COL4A4: variants seen among roughly 807,000 people sequenced by gnomAD.
COL4A4 encodes collagen alpha-4(IV) chain.
Under a neutral mutation model 192.9 loss-of-function variants are expected in COL4A4, and 105 were observed. The observed-to-expected ratio is 0.54, with a 90% CI of 0.46 to 0.64. COL4A4 has a LOEUF of 0.64. Among genes scored for constraint, COL4A4 ranks in the 30% least tolerant of loss-of-function variants. The pLI is 0.00. For synonymous variants in COL4A4, 762 were observed against 769.9 expected (o/e 0.99, Z 0.17); for missense variants, 1,967 against 2,169.3 (o/e 0.91, Z 1.85).
At chr2:226,980,277 C>T in the COL4A4 span, among the ~76,000 whole-genome samples, 1 of 152,154 alleles carries the variant, frequency 6.6e-6, no homozygotes, top group Non-Finnish European at 1.5e-5. Flanking sequence ...TCAACCTCAG[C>T]TCTTTCTGAT....
intron 18 of COL4A4, 103 bp downstream of exon 18, chr2:227,099,517 C>T (rs2060388905): frequency 1.9e-6 from 2 of 1,034,198 alleles, no homozygotes; most frequent in Admixed American, 1.8e-5. Flanking sequence ...ATTCAGCCTG[C>T]CTAGTGTGCA....
chr2:227,065,151 C>T (rs1388152927), intron 25 of COL4A4, among the ~76,000 whole-genome samples: 2 of 152,226 alleles, frequency 1.3e-5, no homozygotes, highest in Non-Finnish European at 2.9e-5. Context: ...AATCGGGCCA[C>T]TCCCACCCGA....
At chr2:227,125,266 G>A (rs2062020049) in intron 4 of COL4A4, among the ~76,000 whole-genome samples, 1 of 151,138 alleles carries the variant, frequency 6.6e-6, no homozygotes, top group African/African-American at 2.4e-5. Flanking sequence ...GGAGTGCAGT[G>A]GTGTGATCTC....
At chr2:227,039,640 T>C (rs1970384090) in intron 37 of COL4A4, among the ~76,000 whole-genome samples, 2 of 152,032 alleles carry the variant, frequency 1.3e-5, no homozygotes, top group South Asian at 4.2e-4. Context: ...GTTACTAAAC[T>C]GGGAGGGTAG....
chr2:227,000,396 T>C (rs1317912525), downstream of COL4A4, among the ~76,000 whole-genome samples: 2 of 152,248 alleles, frequency 1.3e-5, no homozygotes, highest in African/African-American at 2.4e-5. Context: ...GACTGACTGC[T>C]TGGGGACCAG....
intron 35 of COL4A4, among the ~76,000 whole-genome samples, chr2:227,045,120 T>TA (rs1485919528): frequency 3.3e-5 from 5 of 152,210 alleles, no homozygotes; most frequent in African/African-American, 1.2e-4. Flanking sequence ...TACCAGTAAG[T>TA]ATGGGAAAAT....
intron 22 of COL4A4, 106 bp downstream of exon 22, chr2:227,088,547 T>G: frequency 1.4e-6 from 2 of 1,439,142 alleles, no homozygotes; most frequent in Non-Finnish European, 2.0e-6. Flanking sequence ...TAAACCTCTT[T>G]CCTTAATAAA....
chr2:227,010,154 T>A (rs541192650), intron 46 of COL4A4, among the ~76,000 whole-genome samples, 159 bp downstream of exon 46: 1 of 152,214 alleles, frequency 6.6e-6, no homozygotes, highest in Non-Finnish European at 1.5e-5. Context: ...ATCATAAGTT[T>A]AAAGGATTAG....
At chr2:227,087,982 T>A (rs2150586592) in intron 22 of COL4A4, among the ~76,000 whole-genome samples, 1 of 152,312 alleles carries the variant, frequency 6.6e-6, no homozygotes, top group Non-Finnish European at 1.5e-5. Context: ...ATCTGTTAGA[T>A]GGTCTGTGTC....
intron 32 of COL4A4, among the ~76,000 whole-genome samples, chr2:227,051,720 C>T (rs1031877054): frequency 6.6e-6 from 1 of 152,164 alleles, no homozygotes; most frequent in Non-Finnish European, 1.5e-5. Flanking sequence ...CTTGAACAGT[C>T]ATTGCGCTAT....
intron 40 of COL4A4, 107 bp from the exon 41 acceptor site, chr2:227,030,705 G>A (rs1194516056): frequency 1.3e-6 from 1 of 769,022 alleles, no homozygotes; most frequent in Admixed American, 3.0e-5. Flanking sequence ...TGCAAGCAAG[G>A]AATAAAGAGA....
At chr2:227,075,899 G>T (rs1488873637) in intron 25 of COL4A4, among the ~76,000 whole-genome samples, 1 of 151,614 alleles carries the variant, frequency 6.6e-6, no homozygotes, top group Non-Finnish European at 1.5e-5. Flanking sequence ...GCTACAAAGA[G>T]AAAAAAATAC....
intron 22 of COL4A4, among the ~76,000 whole-genome samples, chr2:227,086,503 C>G (rs2059609393): frequency 6.6e-6 from 1 of 151,846 alleles, no homozygotes. Flanking sequence ...CCTAGTGCCC[C>G]ATGGTATGAC....
chr2:227,031,030 G>T (rs1182966918), intron 40 of COL4A4, among the ~76,000 whole-genome samples: 1 of 151,242 alleles, frequency 6.6e-6, no homozygotes, highest in Admixed American at 6.6e-5. Flanking sequence ...TGGATAGATG[G>T]TTGGATGGAC....
At chr2:227,158,127 T>A (rs1380196961) in intron 1 of COL4A4, among the ~76,000 whole-genome samples, 1 of 152,060 alleles carries the variant, frequency 6.6e-6, no homozygotes, top group Non-Finnish European at 1.5e-5. Flanking sequence ...AAACTAGTCA[T>A]AAGAATGATG....
chr2:227,054,912 C>T (rs1267412368), intron 30 of COL4A4, among the ~76,000 whole-genome samples, 175 bp from the exon 31 acceptor site: 3 of 152,180 alleles, frequency 2.0e-5, no homozygotes, highest in Non-Finnish European at 4.4e-5. Context: ...TCCTCAGCCT[C>T]CCGAGTAGCT....
rs958431180 is a variant in COL4A4 at position 227,005,720 on chromosome 2, TTTAA to T, written c.*1601_*1604del. The T allele has an allele frequency of 5.3e-5, 8 of 152,202 alleles. No homozygotes were observed. The highest frequency in any genetic ancestry group is 1.7e-4 in the African/African-American group (7 of 41,442). 9.4% of individuals were successfully genotyped at this position (152,202 alleles called of 1,614,324 possible). On this transcript the variant is annotated 3_prime_UTR_variant, in exon 48 of 48. Coordinates refer to ENST00000396625, the MANE Select transcript of COL4A4 (RefSeq NM_000092.5). ...GGAAAACATTTCTTATAAACAAAAT[TTTAA>T]TTGAGTTTTTCTTCTCAATTATTTT...
At chr2:226,999,343 T>C (rs1216393887), downstream of COL4A4, 1 of 152,154 alleles carries the variant, frequency 6.6e-6, no homozygotes, top group Non-Finnish European at 1.5e-5. Flanking sequence ...AAGCATTTGC[T>C]GGTAGAAATA....
chr2:227,157,311 G>T (rs1015354425), intron 1 of COL4A4, among the ~76,000 whole-genome samples: 32 of 151,854 alleles, frequency 2.1e-4, no homozygotes, highest in Non-Finnish European at 3.4e-4. Flanking sequence ...TGCAGAAAAG[G>T]ATCTTCTAGG....
Sources: allele counts gnomAD v4.1 joint callset (sites outside exome capture counted in the v4.1 genomes callset), GRCh38; gene constraint gnomAD v4.1.1; transcripts MANE v1.5; gene names NCBI Gene and HGNC (gene_info 2026-07-23, HGNC 2026-07-21).